ARL5A: variants seen among roughly 807,000 people sequenced by gnomAD.
ARL5A encodes ADP-ribosylation factor-like protein 5A.
Under a neutral mutation model 25.9 loss-of-function variants are expected in ARL5A, and 18 were observed. The ratio of observed to expected loss-of-function variants is 0.69; its 90% CI spans 0.48 to 1.03. The LOEUF (loss-of-function observed/expected upper bound fraction) is 1.03. Ranked by LOEUF, ARL5A falls within the 50% of genes least tolerant of loss-of-function variation. The pLI is 0.00. For missense variants in ARL5A, 170 were observed against 211.9 expected (o/e 0.80, Z 1.23); for synonymous variants, 61 against 67.5 (o/e 0.90, Z 0.47).
In ARL5A at chr2:151,800,556, C is replaced by T. The variant is rs1387720586; in HGVS notation, c.*2720G>A. ...CAAAATGTCACATAAGAAAATGAAT[C>T]CCCTATCCACTTCCCCACTATAACC... On this transcript the variant is annotated 3_prime_UTR_variant, in exon 6 of 6. Transcript: ENST00000295087. The T allele has an allele frequency of 6.6e-6, 1 of 152,134 alleles. No homozygotes were observed. The highest frequency in any genetic ancestry group is 2.4e-5 in the African/African-American group (1 of 41,420). The allele number at this position is 152,134 out of a possible 1,614,324, so 9.4% of individuals were successfully genotyped here.
At chr2:151,805,937 T>TA (rs2099830049) in intron 5 of ARL5A, among the ~76,000 whole-genome samples, 1 of 152,102 alleles carries the variant, frequency 6.6e-6, no homozygotes, top group African/African-American at 2.4e-5. Flanking sequence ...CAACCTCCTC[T>TA]ATTTTATCTT....
chr2:151,823,608 T>A (rs914869091), intron 1 of ARL5A, among the ~76,000 whole-genome samples: 26 of 152,088 alleles, frequency 1.7e-4, no homozygotes, highest in Non-Finnish European at 2.8e-4. Flanking sequence ...GCACTCACTA[T>A]CCCTAGGGTT....
At chr2:151,816,138 G>A (rs2099831471) in intron 1 of ARL5A, among the ~76,000 whole-genome samples, 1 of 152,172 alleles carries the variant, frequency 6.6e-6, no homozygotes, top group Non-Finnish European at 1.5e-5. Context: ...CTGCCTGGCT[G>A]TCTTGGACAA....
rs930491308 is a variant in ARL5A at position 151,812,226 on chromosome 2, C to G, written c.339+131G>C. 5.7e-6 allele frequency: 3 copies of G among 526,662 alleles called. No homozygotes were observed. In the Admixed American group the frequency reaches 1.1e-4, roughly 20 times the overall value. The allele number at this position is 526,662 out of a possible 1,614,324, so 32.6% of individuals were successfully genotyped here. On this transcript the variant is annotated intron_variant, in intron 4 of 5. Transcript: ENST00000295087. ...ACTGGGAGATGTCAGAGTAATTGAG[C>G]AGTGTGGCCCGCAAATAACTAATTA...
In ARL5A at chr2:151,814,279, C is replaced by T; in HGVS notation, c.145G>A (p.Gly49Arg). The change falls in exon 3 of 6, where the codon GGA becomes AGA. Residue 49 changes from glycine (G) to arginine (R), a missense_variant. By Grantham distance (125) the Gly-to-Arg change is moderately radical. Transcript: ENST00000295087. ...NEVVHTSPTI[G>R]SNVEEIVINN... is the part of the protein sequence containing the mutation. ...ATCACTATCTCTTCTACATTACTTC[C>T]TATTGTAGGAGATGTATGTACAACT... The T allele has an allele frequency of 1.9e-6, 3 of 1,591,762 alleles. No individual in the cohort carries two copies. The highest frequency in any genetic ancestry group is 2.6e-6 in the Non-Finnish European group (3 of 1,171,180).
intron 5 of ARL5A, among the ~76,000 whole-genome samples, chr2:151,803,792 T>C (rs1281803490): frequency 2.0e-5 from 3 of 152,242 alleles, no homozygotes; most frequent in Non-Finnish European, 4.4e-5. Flanking sequence ...ATGTCAAAAA[T>C]ATATCTGGCA....
intron 1 of ARL5A, among the ~76,000 whole-genome samples, chr2:151,818,717 A>G (rs111636352): frequency 1.4e-3 from 208 of 152,364 alleles, no homozygotes; most frequent in African/African-American, 4.7e-3. Context: ...CCCAAAATTA[A>G]GCATTCCTTT....
Position 151,804,789 on chromosome 2 carries a change from T to G in ARL5A, c.492-1465A>C, listed in dbSNP as rs542144654. 4.6e-5 allele frequency among the ~76,000 whole-genome samples: 7 copies of G among 152,250 alleles called. No individual in the cohort carries two copies. In the East Asian group the frequency reaches 5.8e-4, roughly 13 times the overall value. ...TGGCAATGTTAGCAAATGGGAAAAG[T>G]AGGAGTCAAATGAAGCCACACACTG... On this transcript the variant is annotated intron_variant, in intron 5 of 5. Transcript: ENST00000295087.
chr2:151,812,414 T>G lies in ARL5A; in HGVS notation c.282A>C (p.Thr94=), dbSNP rs2099830961. 6.2e-7 allele frequency: 1 copy of G among 1,602,832 alleles called. No individual in the cohort carries two copies. ...TAGTTACAGAAATCCTCTCTCTGTC[T>G]GTACTGTCCACAACAACTATTACAA... ...TEFVIVVVDS[T]DRERISVTRE... is the part of the protein sequence containing the mutation. Residue 94 remains threonine, a synonymous_variant, in exon 4 of 6, where the codon ACA becomes ACC. Coordinates refer to ENST00000295087, the MANE Select transcript of ARL5A (RefSeq NM_012097.4).
In ARL5A at chr2:151,815,210, GA is replaced by G; in HGVS notation, c.47-12del. The stretch of plus-strand genomic sequence containing the variant: ...TGATAACTTTGTGCTCTGAAATAGA[GA>G]AAACACCAGTGATTTTTTTTCAAAA... On this transcript the variant is annotated splice_polypyrimidine_tract_variant and intron_variant, in intron 1 of 5. Transcript: ENST00000295087. 1 of 1,563,640 alleles carries G rather than the reference GA, an allele frequency of 6.4e-7. No individual in the cohort carries two copies. The highest frequency in any genetic ancestry group is 8.6e-7 in the Non-Finnish European group (1 of 1,158,626).
Position 151,801,587 on chromosome 2 carries a change from A to G in ARL5A, c.*1689T>C, listed in dbSNP as rs1000774209. Reference sequence around the variant, plus strand: ...GACAAATATTAAATGTTATGCTTGCATTTTGAACATTATAAATATAAAACA... The same window carrying G: ...GACAAATATTAAATGTTATGCTTGCGTTTTGAACATTATAAATATAAAACA... On this transcript the variant is annotated 3_prime_UTR_variant, in exon 6 of 6. Transcript: ENST00000295087. 1.3e-5 allele frequency: 2 copies of G among 152,156 alleles called. No individual in the cohort carries two copies. The highest frequency in any genetic ancestry group is 4.8e-5 in the African/African-American group (2 of 41,466). 9.4% of individuals were successfully genotyped at this position (152,156 alleles called of 1,614,324 possible).
Position 151,803,200 on chromosome 2 carries a change from C to T in ARL5A, c.*76G>A, listed in dbSNP as rs1157329659. The T allele has an allele frequency of 9.9e-7, 1 of 1,009,220 alleles. No homozygotes were observed. Among genetic ancestry groups the T allele is most frequent in the African/African-American group, 1.7e-5 (1 of 60,350 alleles). 62.5% of individuals were successfully genotyped at this position (1,009,220 alleles called of 1,614,324 possible). ...TCAGTTTATTATAAATATATCTAAACCATTAATTTTTGCAGCTTTCAGGTA... is the reference window on the plus strand; with the variant it reads ...TCAGTTTATTATAAATATATCTAAATCATTAATTTTTGCAGCTTTCAGGTA... On this transcript the variant is annotated 3_prime_UTR_variant, in exon 6 of 6. Transcript: ENST00000295087.
At chr2:151,807,252 T>C (rs1182316056) in intron 4 of ARL5A, among the ~76,000 whole-genome samples, 11 of 152,134 alleles carry the variant, frequency 7.2e-5, no homozygotes. Context: ...AAAATTAGGC[T>C]TAAATGGCTA....
intron 1 of ARL5A, among the ~76,000 whole-genome samples, chr2:151,819,865 C>T (rs2099832030): frequency 6.6e-6 from 1 of 151,984 alleles, no homozygotes; most frequent in South Asian, 2.1e-4. Context: ...ACCAGCCTGG[C>T]CAAGATGGTG....
chr2:151,804,817 G>A (rs907234036), intron 5 of ARL5A, among the ~76,000 whole-genome samples: 9 of 152,158 alleles, frequency 5.9e-5, no homozygotes, highest in African/African-American at 9.6e-5. Context: ...ACACACTGAA[G>A]TTTGTGATCT....
chr2:151,825,424 G>A (rs556077255), intron 1 of ARL5A, among the ~76,000 whole-genome samples: 23 of 152,176 alleles, frequency 1.5e-4, no homozygotes, highest in Admixed American at 5.9e-4. Context: ...TTAAGCCTCA[G>A]TTTTCCCTTT....
intron 1 of ARL5A, among the ~76,000 whole-genome samples, chr2:151,824,716 C>G (rs2099832801): frequency 6.6e-6 from 1 of 152,160 alleles, no homozygotes; most frequent in Non-Finnish European, 1.5e-5. Flanking sequence ...TATACAAAGT[C>G]CTTCTTACAC....
chr2:151,805,412 T>G (rs932756360), intron 5 of ARL5A, among the ~76,000 whole-genome samples: 2 of 152,202 alleles, frequency 1.3e-5, no homozygotes, highest in African/African-American at 2.4e-5. Context: ...TGTCCTTTCC[T>G]AACACCTCAA....
intron 2 of ARL5A, among the ~76,000 whole-genome samples, chr2:151,814,858 G>A (rs2099831299): frequency 6.6e-6 from 1 of 152,066 alleles, no homozygotes; most frequent in African/African-American, 2.4e-5. Context: ...ATAAAGGCAT[G>A]AGGCACCGCA....
Sources: gnomAD v4.1 joint callset for allele counts (sites outside exome capture counted in the v4.1 genomes callset) on GRCh38, gnomAD v4.1.1 for gene constraint, MANE v1.5 for transcripts, NCBI Gene and HGNC (gene_info 2026-07-23, HGNC 2026-07-21) for gene names.